Variants in CLSTN2 observed in about 807,000 individuals in gnomAD.
CLSTN2 encodes calsyntenin 2, also known as calsyntenin-2.
In CLSTN2, 48 loss-of-function variants were observed where a neutral mutation model predicts 101.2. That is an observed-to-expected ratio of 0.47 (90% confidence interval 0.38 to 0.60). CLSTN2 has a LOEUF of 0.60. Ranked by LOEUF, CLSTN2 falls within the 20% of genes least tolerant of loss-of-function variation. CLSTN2 has a pLI of 0.00. For synonymous variants in CLSTN2, 481 were observed against 463.6 expected (o/e 1.04, Z -0.48); for missense variants, 1,160 against 1,238.2 (o/e 0.94, Z 0.95).
At chr3:140,341,373 C>T (rs1871497) in intron 2 of CLSTN2, among the ~76,000 whole-genome samples, 58,563 of 152,024 alleles carry the variant, frequency 0.39, 12,539 homozygotes, top group Non-Finnish European at 0.5. Flanking sequence ...CTGACCTCGT[C>T]CCCATGCTGC....
intron 7 of CLSTN2, among the ~76,000 whole-genome samples, chr3:140,463,377 A>G (rs371147379): frequency 2.2e-4 from 34 of 152,082 alleles, no homozygotes; most frequent in African/African-American, 8.2e-4. Flanking sequence ...GGTGAGAGAG[A>G]TGGAGATGTC....
chr3:140,514,137 A>C (rs1934870555), intron 8 of CLSTN2, among the ~76,000 whole-genome samples: 1 of 134,946 alleles, frequency 7.4e-6, no homozygotes, highest in Non-Finnish European at 1.5e-5. Flanking sequence ...AATTTTGTAT[A>C]GTTTTCTATA....
chr3:140,264,981 C>T (rs1335496147), intron 2 of CLSTN2, among the ~76,000 whole-genome samples: 1 of 152,160 alleles, frequency 6.6e-6, no homozygotes, highest in Non-Finnish European at 1.5e-5. Flanking sequence ...TTCCCTCCTT[C>T]ACAACCCCCA....
intron 2 of CLSTN2, among the ~76,000 whole-genome samples, chr3:140,184,851 C>T (rs1252998008): frequency 6.6e-6 from 1 of 152,138 alleles, no homozygotes; most frequent in African/African-American, 2.4e-5. Context: ...CTGGATGCAG[C>T]TCCTCTTGAT....
chr3:140,124,902 G>A (rs1204138081), intron 1 of CLSTN2, among the ~76,000 whole-genome samples: 1 of 152,194 alleles, frequency 6.6e-6, no homozygotes, highest in African/African-American at 2.4e-5. Context: ...TGAGTCCAGG[G>A]AAGGGGGAGC....
At chr3:140,367,707 G>A (rs531453642) in intron 2 of CLSTN2, among the ~76,000 whole-genome samples, 18 of 152,242 alleles carry the variant, frequency 1.2e-4, no homozygotes, top group African/African-American at 3.9e-4. Flanking sequence ...AATACACGAG[G>A]TCCCTAATGT....
chr3:140,506,180 AAGG>A (rs2107764937), intron 8 of CLSTN2: 1 of 152,336 alleles, frequency 6.6e-6, no homozygotes, highest in African/African-American at 2.4e-5. Flanking sequence ...GAAAGAATGA[AAGG>A]AGAAATTAAG....
At chr3:140,245,933 G>A (rs1473655579) in intron 2 of CLSTN2, among the ~76,000 whole-genome samples, 1 of 152,152 alleles carries the variant, frequency 6.6e-6, no homozygotes, top group East Asian at 1.9e-4. Flanking sequence ...GTTAGGACAT[G>A]TGTATCACTG....
At chr3:140,490,107 TATATATATATACACACACACACACAC>T in intron 8 of CLSTN2, among the ~76,000 whole-genome samples, 1 of 7,054 alleles carries the variant, frequency 1.4e-4, no homozygotes, top group South Asian at 5.7e-3. Flanking sequence ...TATATATATA[TATATATATATACACACACACACACAC>T]ACACACACAC....
At chr3:139,948,552 CA>C in intron 1 of CLSTN2, among the ~76,000 whole-genome samples, 1 of 152,220 alleles carries the variant, frequency 6.6e-6, no homozygotes, top group Non-Finnish European at 1.5e-5. Flanking sequence ...TGCTATGAGC[CA>C]CCATTTCAAA....
At chr3:140,527,302 A>G (rs1935163841) in intron 8 of CLSTN2, among the ~76,000 whole-genome samples, 1 of 152,206 alleles carries the variant, frequency 6.6e-6, no homozygotes, top group Admixed American at 6.5e-5. Flanking sequence ...AAGATGTAAA[A>G]TTGGCCAACA....
intron 2 of CLSTN2, among the ~76,000 whole-genome samples, chr3:140,385,526 G>A (rs1404555115): frequency 2.6e-5 from 4 of 151,704 alleles, no homozygotes; most frequent in African/African-American, 4.8e-5. Context: ...CCACCACCAC[G>A]CCTGGCTAAT....
intron 8 of CLSTN2, among the ~76,000 whole-genome samples, chr3:140,520,836 T>C (rs1198270972): frequency 6.6e-6 from 1 of 152,196 alleles, no homozygotes; most frequent in Non-Finnish European, 1.5e-5. Context: ...AATTCCATAC[T>C]TTTTGGAGAT....
chr3:140,233,435 G>T (rs1394069085), intron 2 of CLSTN2, among the ~76,000 whole-genome samples: 1 of 152,094 alleles, frequency 6.6e-6, no homozygotes, highest in Non-Finnish European at 1.5e-5. Flanking sequence ...CCCTGGTTTG[G>T]TTGTATCTTC....
chr3:140,210,695 G>C (rs189599249), intron 2 of CLSTN2, among the ~76,000 whole-genome samples: 5 of 152,228 alleles, frequency 3.3e-5, no homozygotes, highest in Non-Finnish European at 7.3e-5. Context: ...ATCCCTGAGA[G>C]AGAATGCTAC....
intron 2 of CLSTN2, among the ~76,000 whole-genome samples, chr3:140,384,363 T>C (rs1371993368): frequency 6.6e-6 from 1 of 152,230 alleles, no homozygotes; most frequent in East Asian, 1.9e-4. Context: ...TTATCCTCCC[T>C]GGTCTTTTCT....
intron 6 of CLSTN2, among the ~76,000 whole-genome samples, chr3:140,457,368 C>A (rs1485794493): frequency 1.3e-5 from 2 of 152,226 alleles, no homozygotes; most frequent in Non-Finnish European, 2.9e-5. Flanking sequence ...TGGTATCAGA[C>A]CCAACTTAAT....
At chr3:140,361,219 A>G (rs1483101448) in intron 2 of CLSTN2, among the ~76,000 whole-genome samples, 1 of 152,238 alleles carries the variant, frequency 6.6e-6, no homozygotes, top group Non-Finnish European at 1.5e-5. Flanking sequence ...TCAATGTAAT[A>G]CACCATCTTC....
chr3:140,241,334 A>C (rs966744249), intron 2 of CLSTN2, among the ~76,000 whole-genome samples: 2 of 152,144 alleles, frequency 1.3e-5, no homozygotes, highest in Non-Finnish European at 2.9e-5. Context: ...TTCAGTAAGA[A>C]AGTGTTGTGT....
Sources: allele counts gnomAD v4.1 joint callset (sites outside exome capture counted in the v4.1 genomes callset), GRCh38; gene constraint gnomAD v4.1.1; transcripts MANE v1.5; gene names NCBI Gene and HGNC (gene_info 2026-07-23, HGNC 2026-07-21).